Variants in LKAAEAR1 observed in about 807,000 individuals in gnomAD.
LKAAEAR1 encodes protein LKAAEAR1.
Under a neutral mutation model 16.5 loss-of-function variants are expected in LKAAEAR1, and 19 were observed. The ratio of observed to expected loss-of-function variants is 1.15; its 90% CI spans 0.80 to 1.69. The LOEUF is 1.69. LKAAEAR1 is among the 40% of genes most tolerant of loss of function. The pLI is 0.00. For synonymous variants in LKAAEAR1, 124 were observed against 152.7 expected (o/e 0.81, Z 1.39); for missense variants, 304 against 315.8 (o/e 0.96, Z 0.28).
At position 64,083,817 on chromosome 20, in the gene LKAAEAR1, C is replaced by A; in HGVS notation, c.402+1G>T. The stretch of plus-strand genomic sequence containing the variant: ...TCTGCCCTCCGACCCCCTCGCCTCA[C>A]CCGCATGCGGGTGTAGCGCAGCCGC... On this transcript the variant is annotated splice_donor_variant, in intron 1 of 2. Coordinates refer to ENST00000302096, the MANE Select transcript of LKAAEAR1 (RefSeq NM_001353425.2). LOFTEE classifies it high-confidence loss of function. This position sits in a 1 kb window ranked among gnomAD's most constrained non-coding sequence, Gnocchi z 4.9. 7.4e-7 allele frequency: 1 copy of A among 1,358,948 alleles called. No homozygotes were observed. The highest frequency in any genetic ancestry group is 4.0e-5 in the Admixed American group (1 of 25,244). The allele number at this position is 1,358,948 out of a possible 1,614,324, so 84.2% of individuals were successfully genotyped here.
chr20:64,084,328 G>C lies in LKAAEAR1; in HGVS notation c.-109C>G, dbSNP rs898334786. ...ACGTGCGCCCCAGCTCCCGCCCGCT[G>C]GGCTCTCCGCAGTCGGTTTTGAGTT... On this transcript the variant is annotated 5_prime_UTR_variant, in exon 1 of 3. Coordinates refer to ENST00000302096, the MANE Select transcript of LKAAEAR1 (RefSeq NM_001353425.2). The C allele has an allele frequency of 4.5e-5, 58 of 1,290,232 alleles. No homozygotes were observed. Among genetic ancestry groups the C allele is most frequent in the Non-Finnish European group, 5.3e-5 (54 of 1,021,468 alleles). The allele number at this position is 1,290,232 out of a possible 1,614,324, so 79.9% of individuals were successfully genotyped here.
At chr20:64,084,868 G>C (rs954272488), upstream of LKAAEAR1, 18 of 152,256 alleles carry the variant, frequency 1.2e-4, no homozygotes, top group African/African-American at 4.1e-4. Context: ...CCCCTCCTTA[G>C]CTCCTGCAGC....
rs2060007543 is a variant in LKAAEAR1 at position 64,083,985 on chromosome 20, AG to A, written c.234del (p.Phe79SerfsTer84). Reference sequence around the variant, plus strand: ...CCCGGTTCCACCGACCCGCACGGGAAGGTGGAGGCCGCCGCGCCCACGTCCT... The same window carrying A: ...CCCGGTTCCACCGACCCGCACGGGAAGTGGAGGCCGCCGCGCCCACGTCCT... Reference protein sequence around the residue: ...LLEDVGAAASTFPCGSVEPGY... With the variant: ...LLEDVGAAASXFPCGSVEPGY... On this transcript the variant is annotated frameshift_variant, in exon 1 of 3. Transcript: ENST00000302096. LOFTEE classifies it high-confidence loss of function. The surrounding 1 kb of genome is among the most constrained non-coding windows in gnomAD (Gnocchi z 4.9). 6.8e-7 allele frequency: 1 copy of A among 1,478,238 alleles called. No individual in the cohort carries two copies. Among genetic ancestry groups the A allele is most frequent in the Non-Finnish European group, 8.9e-7 (1 of 1,122,712 alleles). The allele number at this position is 1,478,238 out of a possible 1,614,324, so 91.6% of individuals were successfully genotyped here.
Position 64,083,503 on chromosome 20 carries a change from G to A in LKAAEAR1, c.526-9C>T, listed in dbSNP as rs776347770. On this transcript the variant is annotated splice_polypyrimidine_tract_variant and intron_variant, in intron 2 of 2. Coordinates refer to ENST00000302096, the MANE Select transcript of LKAAEAR1 (RefSeq NM_001353425.2). The surrounding 1 kb of genome is among the most constrained non-coding windows in gnomAD (Gnocchi z 4.9). Reference sequence around the variant, plus strand: ...GTCTCCACGCGCCTCCGCTGCCGGGGAGAGAGGCTGGGGTCCGGCGTGTGC... The same window carrying A: ...GTCTCCACGCGCCTCCGCTGCCGGGAAGAGAGGCTGGGGTCCGGCGTGTGC... The A allele has an allele frequency of 3.5e-5, 56 of 1,585,894 alleles. No homozygotes were observed. The highest frequency in any genetic ancestry group is 4.8e-5 in the Non-Finnish European group (56 of 1,167,482).
chr20:64,084,199 CT>C lies in LKAAEAR1; in HGVS notation c.20del (p.Glu7GlyfsTer40). 7.0e-7 allele frequency: 1 copy of C among 1,426,896 alleles called. No individual in the cohort carries two copies. The highest frequency in any genetic ancestry group is 9.1e-7 in the Non-Finnish European group (1 of 1,097,748). 88.4% of individuals were successfully genotyped at this position (1,426,896 alleles called of 1,614,324 possible). ...GCTCCCGCGGGCCCTTGCGCCCGCC[CT>C]CCTTCGCTGGCGGCGGCATCCTCCC... The part of the protein sequence containing the change: MPPPAK[E>X]GGRKGPRERS... On this transcript the variant is annotated frameshift_variant, in exon 1 of 3. Transcript: ENST00000302096. LOFTEE classifies it high-confidence loss of function.
rs1458699130 is a variant in LKAAEAR1 at position 64,083,876 on chromosome 20, T to A, written c.344A>T (p.Lys115Met). 2 of 1,436,448 alleles carry A rather than the reference T, an allele frequency of 1.4e-6. No homozygotes were observed. The highest frequency in any genetic ancestry group is 1.8e-6 in the Non-Finnish European group (2 of 1,102,118). The allele number at this position is 1,436,448 out of a possible 1,614,324, so 89.0% of individuals were successfully genotyped here. The change falls in exon 1 of 3, where the codon AAG becomes ATG. Residue 115 changes from lysine (K) to methionine (M), a missense_variant. Lys to Met is a moderately conservative substitution (Grantham distance 95). Transcript: ENST00000302096. This position sits in a 1 kb window ranked among gnomAD's most constrained non-coding sequence, Gnocchi z 4.9. ...GACTCGCCCGCGGGCCTCCGCTGCC[T>A]TGAGGACGCCGAGGAGCCGGTTCTG... The part of the protein sequence containing the change: ...ERQNRLLGVL[K>M]AAEARGRVRA...
In LKAAEAR1 at chr20:64,084,106, C is replaced by A; in HGVS notation, c.114G>T (p.Glu38Asp). 1 of 1,474,990 alleles carries A rather than the reference C, an allele frequency of 6.8e-7. No individual in the cohort carries two copies. The highest frequency in any genetic ancestry group is 1.3e-5 in the South Asian group (1 of 77,614). The allele number at this position is 1,474,990 out of a possible 1,614,324, so 91.4% of individuals were successfully genotyped here. A position where few individuals can be genotyped will look rare whatever the true frequency, so the allele number is the denominator to read the frequency against. ...EERAKGAPATEPPKPGWALTP... is the reference protein window; with the variant it reads ...EERAKGAPATDPPKPGWALTP... ...TCAGGGCCCAGCCCGGCTTGGGGGGCTCTGTCGCGGGCGCCCCCTTGGCAC... is the reference window on the plus strand; with the variant it reads ...TCAGGGCCCAGCCCGGCTTGGGGGGATCTGTCGCGGGCGCCCCCTTGGCAC... Residue 38 changes from glutamate (E) to aspartate (D), a missense_variant, in exon 1 of 3, where the codon GAG becomes GAT. Glu to Asp is a conservative substitution (Grantham distance 45). Coordinates refer to ENST00000302096, the MANE Select transcript of LKAAEAR1 (RefSeq NM_001353425.2).
chr20:64,083,900 T>C lies in LKAAEAR1; in HGVS notation c.320A>G (p.Gln107Arg), dbSNP rs1569268935. 36 of 1,445,900 alleles carry C rather than the reference T, an allele frequency of 2.5e-5. No homozygotes were observed. Among genetic ancestry groups the C allele is most frequent in the Non-Finnish European group, 3.1e-5 (34 of 1,105,414 alleles). 89.6% of individuals were successfully genotyped at this position (1,445,900 alleles called of 1,614,324 possible). A position where few individuals can be genotyped will look rare whatever the true frequency, so the allele number is the denominator to read the frequency against. The change falls in exon 1 of 3, where the codon CAG becomes CGG. Residue 107 changes from glutamine (Q) to arginine (R), a missense_variant. By Grantham distance (43) the Gln-to-Arg change is conservative. Coordinates refer to ENST00000302096, the MANE Select transcript of LKAAEAR1 (RefSeq NM_001353425.2). This position sits in a 1 kb window ranked among gnomAD's most constrained non-coding sequence, Gnocchi z 4.9. Reference protein sequence around the residue: ...TQSLELPAERQNRLLGVLKAA... With the variant: ...TQSLELPAERRNRLLGVLKAA... ...CTTGAGGACGCCGAGGAGCCGGTTC[T>C]GGCGCTCGGCGGGCAGCTCGAGCGA...
chr20:64,084,403 C>G (rs4344972), upstream of LKAAEAR1: 5,735 of 1,271,156 alleles, frequency 4.5e-3, 173 homozygotes, highest in South Asian at 0.068. Flanking sequence ...CTCTCCCAAG[C>G]GCACGTCCCC....
chr20:64,083,682 G>A lies in LKAAEAR1; in HGVS notation c.426C>T (p.Ile142=). Reference sequence around the variant, plus strand: ...CGGCGCGCGCGGACTTCTGCCGCTGGATGAGCAGCGCGATCTCCTCGGCCT... The same window carrying A: ...CGGCGCGCGCGGACTTCTGCCGCTGAATGAGCAGCGCGATCTCCTCGGCCT... ...RMRAEEIALL[I]QRQKSARAAI... is the part of the protein sequence containing the mutation. Residue 142 remains isoleucine (I), a synonymous_variant, in exon 2 of 3, where the codon ATC becomes ATT. Transcript: ENST00000302096. This position sits in a 1 kb window ranked among gnomAD's most constrained non-coding sequence, Gnocchi z 4.9. The A allele has an allele frequency of 7.0e-7, 1 of 1,422,732 alleles. No individual in the cohort carries two copies. The highest frequency in any genetic ancestry group is 9.1e-7 in the Non-Finnish European group (1 of 1,095,808). 88.1% of individuals were successfully genotyped at this position (1,422,732 alleles called of 1,614,324 possible).
chr20:64,083,737 A>AGCCCC lies in LKAAEAR1; in HGVS notation c.403-37_403-33dup, dbSNP rs1331187235. The AGCCCC allele has an allele frequency of 4.9e-4, 655 of 1,340,906 alleles. No homozygotes were observed. The African/African-American group carries it at 5.0e-3, about 10-fold the overall frequency. 83.1% of individuals were successfully genotyped at this position (1,340,906 alleles called of 1,614,324 possible). A position where few individuals can be genotyped will look rare whatever the true frequency, so the allele number is the denominator to read the frequency against. On this transcript the variant is annotated intron_variant, in intron 1 of 2. Coordinates refer to ENST00000302096, the MANE Select transcript of LKAAEAR1 (RefSeq NM_001353425.2). The surrounding 1 kb of genome is among the most constrained non-coding windows in gnomAD (Gnocchi z 4.9). ...GGCCCGGGTAGCTGAGCGCGCGCCG[A>AGCCCC]GCCCCGCCCCGCCCCGCCCCGGCCG...
chr20:64,083,960 C>T lies in LKAAEAR1; in HGVS notation c.260G>A (p.Gly87Glu). 6.8e-7 allele frequency: 1 copy of T among 1,465,424 alleles called. No individual in the cohort carries two copies. Among genetic ancestry groups the T allele is most frequent in the Non-Finnish European group, 9.0e-7 (1 of 1,115,528 alleles). The allele number at this position is 1,465,424 out of a possible 1,614,324, so 90.8% of individuals were successfully genotyped here. ...STFPCGSVEP[G>E]YRMPDPRPWT... ...CGGGCGCGGGTCGGGCATGCGGTAC[C>T]CCGGTTCCACCGACCCGCACGGGAA... Residue 87 changes from glycine (G) to glutamate (E), a missense_variant, in exon 1 of 3, where the codon GGG becomes GAG. Gly to Glu is a moderately conservative substitution (Grantham distance 98). Transcript: ENST00000302096. The surrounding 1 kb of genome is among the most constrained non-coding windows in gnomAD (Gnocchi z 4.9).
Position 64,083,774 on chromosome 20 carries a change from C to T in LKAAEAR1, c.402+44G>A. ...CCCCGCCCCGGCCGGCTCCGCTCAA[C>T]GCTCCCGGTGCGCCCCCTCTGCCCT... On this transcript the variant is annotated intron_variant, in intron 1 of 2. Coordinates refer to ENST00000302096, the MANE Select transcript of LKAAEAR1 (RefSeq NM_001353425.2). The surrounding 1 kb of genome is among the most constrained non-coding windows in gnomAD (Gnocchi z 4.9). The T allele has an allele frequency of 1.5e-6, 2 of 1,323,502 alleles. No homozygotes were observed. Among genetic ancestry groups the T allele is most frequent in the Non-Finnish European group, 1.9e-6 (2 of 1,038,884 alleles). The allele number at this position is 1,323,502 out of a possible 1,614,324, so 82.0% of individuals were successfully genotyped here.
In LKAAEAR1 at chr20:64,084,080, G is replaced by T. The variant is rs1317317332; in HGVS notation, c.140C>A (p.Thr47Lys). Residue 47 changes from threonine to lysine, a missense_variant, in exon 1 of 3, where the codon ACG becomes AAG. Coordinates refer to ENST00000302096, the MANE Select transcript of LKAAEAR1 (RefSeq NM_001353425.2). Reference protein sequence around the residue: ...TEPPKPGWALTPQGLAAMLPA... With the variant: ...TEPPKPGWALKPQGLAAMLPA... ...GAGCATGGCCGCCAGTCCCTGCGGC[G>T]TCAGGGCCCAGCCCGGCTTGGGGGG... The T allele has an allele frequency of 5.4e-6, 8 of 1,492,630 alleles. No homozygotes were observed. Among genetic ancestry groups the T allele is most frequent in the South Asian group, 1.3e-5 (1 of 79,340 alleles). 92.5% of individuals were successfully genotyped at this position (1,492,630 alleles called of 1,614,324 possible).
At position 64,084,127 on chromosome 20, in the gene LKAAEAR1, G is replaced by A; in HGVS notation, c.93C>T (p.Ala31=). Residue 31 remains alanine (A), a synonymous_variant, in exon 1 of 3, where the codon GCC becomes GCT. Coordinates refer to ENST00000302096, the MANE Select transcript of LKAAEAR1 (RefSeq NM_001353425.2). ...APGTAQGEER[A]KGAPATEPPK... is the part of the protein sequence containing the mutation. ...GGGGCTCTGTCGCGGGCGCCCCCTTGGCACGCTCCTCACCCTGCGCCGTGC... is the reference window on the plus strand; with the variant it reads ...GGGGCTCTGTCGCGGGCGCCCCCTTAGCACGCTCCTCACCCTGCGCCGTGC... 1 of 1,470,746 alleles carries A rather than the reference G, an allele frequency of 6.8e-7. No individual in the cohort carries two copies. Among genetic ancestry groups the A allele is most frequent in the Non-Finnish European group, 8.9e-7 (1 of 1,118,776 alleles). 91.1% of individuals were successfully genotyped at this position (1,470,746 alleles called of 1,614,324 possible). A position where few individuals can be genotyped will look rare whatever the true frequency, so the allele number is the denominator to read the frequency against.
At position 64,084,273 on chromosome 20, in the gene LKAAEAR1, G is replaced by A; in HGVS notation, c.-54C>T. ...TCCCGTCGGTGCCGGGGCTGGCACCGGGCCCTGCCCGCCCCTCGGCAGGGC... is the reference window on the plus strand; with the variant it reads ...TCCCGTCGGTGCCGGGGCTGGCACCAGGCCCTGCCCGCCCCTCGGCAGGGC... On this transcript the variant is annotated 5_prime_UTR_variant, in exon 1 of 3. Coordinates refer to ENST00000302096, the MANE Select transcript of LKAAEAR1 (RefSeq NM_001353425.2). 3 of 1,328,722 alleles carry A rather than the reference G, an allele frequency of 2.3e-6. No homozygotes were observed. Among genetic ancestry groups the A allele is most frequent in the Non-Finnish European group, 2.9e-6 (3 of 1,043,796 alleles). 82.3% of individuals were successfully genotyped at this position (1,328,722 alleles called of 1,614,324 possible). A position where few individuals can be genotyped will look rare whatever the true frequency, so the allele number is the denominator to read the frequency against.
chr20:64,084,467 C>T (rs2060020444), upstream of LKAAEAR1: 2 of 983,114 alleles, frequency 2.0e-6, no homozygotes, highest in Non-Finnish European at 2.6e-6. Flanking sequence ...CTAGGACTTT[C>T]TGATCAACTC....
chr20:64,083,566 C>G lies in LKAAEAR1; in HGVS notation c.525+17G>C. The G allele has an allele frequency of 1.3e-6, 2 of 1,527,610 alleles. No homozygotes were observed. Among genetic ancestry groups the G allele is most frequent in the South Asian group, 2.4e-5 (2 of 82,788 alleles). 94.6% of individuals were successfully genotyped at this position (1,527,610 alleles called of 1,614,324 possible). On this transcript the variant is annotated intron_variant, in intron 2 of 2. Transcript: ENST00000302096. The surrounding 1 kb of genome is among the most constrained non-coding windows in gnomAD (Gnocchi z 4.9). ...GGCCCCTCCCCTTTCCCCGCCCCTA[C>G]CGGGGCTTGTCTGCACCTCTTGGCG...
chr20:64,084,389 C>G lies in LKAAEAR1; in HGVS notation c.-170G>C. 7.8e-7 allele frequency: 1 copy of G among 1,274,436 alleles called. No individual in the cohort carries two copies. The highest frequency in any genetic ancestry group is 4.3e-5 in the Admixed American group (1 of 23,330). The allele number at this position is 1,274,436 out of a possible 1,614,324, so 78.9% of individuals were successfully genotyped here. ...AGCCTCTGAGCTTTGCCCAGGCGCT[C>G]TCCCTCTCCCAAGCGCACGTCCCCA... On this transcript the variant is annotated 5_prime_UTR_variant, in exon 1 of 3. Coordinates refer to ENST00000302096, the MANE Select transcript of LKAAEAR1 (RefSeq NM_001353425.2).
Sources: gnomAD v4.1 joint callset for allele counts on GRCh38, gnomAD v4.1.1 for gene constraint, Gnocchi (gnomAD v3.1) non-coding constraint, MANE v1.5 for transcripts, NCBI Gene and HGNC (gene_info 2026-07-23, HGNC 2026-07-21) for gene names.